OR2L13: variants seen among roughly 807,000 people sequenced by gnomAD.
OR2L13 encodes the protein olfactory receptor 2L13.
A neutral mutation model predicts 15.3 loss-of-function variants in OR2L13; 14 were observed. The observed-to-expected ratio is 0.91, with a 90% CI of 0.60 to 1.43. The LOEUF (loss-of-function observed/expected upper bound fraction) is 1.43. Ranked by LOEUF, OR2L13 falls within the 40% of genes most tolerant of loss-of-function variation. OR2L13 has a pLI of 0.00. For missense variants in OR2L13, 367 were observed against 387.9 expected (o/e 0.95, Z 0.45); for synonymous variants, 152 against 142.9 (o/e 1.06, Z -0.45).
chr1:247,982,345 T>C, the OR2L13 span, among the ~76,000 whole-genome samples: 5,899 of 152,236 alleles, frequency 0.039, 351 homozygotes, highest in African/African-American at 0.13. Flanking sequence ...TCAGTTACTC[T>C]TTCTGATAAT....
chr1:248,031,680 G>C, the OR2L13 span, among the ~76,000 whole-genome samples: 35 of 152,290 alleles, frequency 2.3e-4, no homozygotes, highest in Admixed American at 2.2e-3. Context: ...TTTCTTCAAG[G>C]TTCCTTCTCT....
the OR2L13 span, among the ~76,000 whole-genome samples, chr1:248,000,808 A>G: frequency 3.3e-5 from 5 of 152,334 alleles, no homozygotes; most frequent in African/African-American, 1.2e-4. Flanking sequence ...AACAGGTGAT[A>G]TGAGGAAACA....
chr1:247,990,961 G>A, the OR2L13 span: 2 of 1,478,554 alleles, frequency 1.4e-6, no homozygotes, highest in Non-Finnish European at 1.9e-6. Context: ...CTCTGCAGAA[G>A]GGAGGAAGAA....
the OR2L13 span, chr1:247,965,708 A>T: frequency 4.5e-6 from 7 of 1,555,458 alleles, no homozygotes; most frequent in Non-Finnish European, 6.1e-6. Context: ...GGTGGAACTG[A>T]AGCCCTTCTC....
the OR2L13 span, among the ~76,000 whole-genome samples, chr1:247,994,382 G>A: frequency 6.6e-6 from 1 of 152,120 alleles, no homozygotes; most frequent in African/African-American, 2.4e-5. Context: ...GGGCGACAGA[G>A]CGAGACTCCA....
At chr1:248,061,217 A>G in the OR2L13 span, 9 of 1,611,564 alleles carry the variant, frequency 5.6e-6, no homozygotes, top group Non-Finnish European at 7.6e-6. Flanking sequence ...TTCTTCTGTG[A>G]TGTCCCAGCA....
At chr1:247,979,664 C>T in the OR2L13 span, among the ~76,000 whole-genome samples, 1 of 151,984 alleles carries the variant, frequency 6.6e-6, no homozygotes, top group Admixed American at 6.6e-5. Context: ...GGGCTGCACC[C>T]ACTGTCCAGC....
At chr1:247,975,200 C>A in the OR2L13 span, 1 of 394,066 alleles carries the variant, frequency 2.5e-6, no homozygotes, top group Non-Finnish European at 5.1e-6. Flanking sequence ...GCTCTATCGA[C>A]ACTTGTGCTC....
chr1:248,028,468 A>G, the OR2L13 span, among the ~76,000 whole-genome samples: 1 of 152,236 alleles, frequency 6.6e-6, no homozygotes, highest in African/African-American at 2.4e-5. Flanking sequence ...GCTTCTTTAT[A>G]AGTGAATATG....
At chr1:247,973,332 C>T in the OR2L13 span, among the ~76,000 whole-genome samples, 1 of 152,122 alleles carries the variant, frequency 6.6e-6, no homozygotes, top group African/African-American at 2.4e-5. Context: ...GGGAGGAAGT[C>T]CAATTGCCTC....
At chr1:248,040,274 C>A in the OR2L13 span, 1 of 152,194 alleles carries the variant, frequency 6.6e-6, no homozygotes, top group African/African-American at 2.4e-5. Context: ...GAGTGAAAGG[C>A]CATTGCTCTC....
chr1:247,993,339 G>A, the OR2L13 span, among the ~76,000 whole-genome samples: 1 of 123,326 alleles, frequency 8.1e-6, no homozygotes, highest in African/African-American at 4.2e-5. Context: ...CTGTTTCCTC[G>A]TTGTTTTTTT....
At chr1:248,012,207 C>T in the OR2L13 span, among the ~76,000 whole-genome samples, 1 of 152,232 alleles carries the variant, frequency 6.6e-6, no homozygotes, top group South Asian at 2.1e-4. Flanking sequence ...AGGGGTATTT[C>T]AGGGTTCCCT....
At chr1:247,965,319 T>A in the OR2L13 span, 3 of 1,521,282 alleles carry the variant, frequency 2.0e-6, no homozygotes, top group African/African-American at 4.2e-5. Flanking sequence ...TTAAGGGAAG[T>A]CAACATTATT....
chr1:247,990,495 G>C, the OR2L13 span: 11 of 1,574,256 alleles, frequency 7.0e-6, no homozygotes, highest in Non-Finnish European at 9.6e-6. Context: ...TTCCACCATT[G>C]TTCCTAAGAT....
the OR2L13 span, among the ~76,000 whole-genome samples, chr1:248,032,059 A>C: frequency 6.6e-6 from 1 of 152,160 alleles, no homozygotes; most frequent in African/African-American, 2.4e-5. Context: ...CCAATAATTA[A>C]ACTACTAATA....
At chr1:248,099,554 T>G in exon 3 of OR2L13, 1 of 1,614,108 alleles carries the variant, frequency 6.2e-7, no homozygotes, top group Non-Finnish European at 8.5e-7. Flanking sequence ...CCGATGTACT[T>G]TCTTCTCAGC....
At chr1:248,080,464 T>C in the OR2L13 span, among the ~76,000 whole-genome samples, 3 of 152,134 alleles carry the variant, frequency 2.0e-5, no homozygotes, top group Admixed American at 6.5e-5. Context: ...TGTGTGATGT[T>C]CCCCTCCATG....
chr1:248,018,261 A>C, the OR2L13 span, among the ~76,000 whole-genome samples: 1 of 152,136 alleles, frequency 6.6e-6, no homozygotes, highest in African/African-American at 2.4e-5. Flanking sequence ...ATTCTGTCCT[A>C]TGTTACTTTT....
Sources: gnomAD v4.1 joint callset for allele counts (sites outside exome capture counted in the v4.1 genomes callset) on GRCh38, gnomAD v4.1.1 for gene constraint, MANE v1.5 for transcripts, NCBI Gene and HGNC (gene_info 2026-07-23, HGNC 2026-07-21) for gene names.